The following DMD variants were observed in gnomAD, a reference collection of about 807,000 sequenced individuals.
The protein encoded by DMD is mutant dystrophin.
In DMD, 63 loss-of-function variants were observed where a neutral mutation model predicts 330.1. That is an observed-to-expected ratio of 0.19 (90% CI 0.16 to 0.24). The LOEUF is 0.24. DMD is among the 10% of genes least tolerant of loss of function. The probability of loss-of-function intolerance (pLI) is 1.00; values close to 1 mark genes in which losing one functional copy is unlikely to be tolerated. For missense variants in DMD, 3,344 were observed against 2,684.1 expected (o/e 1.25, Z -5.43); for synonymous variants, 1,223 against 959.8 (o/e 1.27, Z -5.07).
intron 2 of DMD, among the ~76,000 whole-genome samples, chrX:32,876,345 G>C (rs771686180): frequency 1.8e-5 from 2 of 111,910 alleles, no homozygotes; most frequent in Non-Finnish European, 3.8e-5. Context: ...AATCTTGACA[G>C]TTATCCAATT....
At chrX:32,735,178 G>T (rs1354037015) in intron 7 of DMD, among the ~76,000 whole-genome samples, 2 of 108,011 alleles carry the variant, frequency 1.9e-5, no homozygotes, top group Non-Finnish European at 3.8e-5. Flanking sequence ...GCTTCAAAGA[G>T]AATAAAATAC....
intron 4 of DMD, among the ~76,000 whole-genome samples, chrX:32,835,635 C>T (rs947254826): frequency 2.7e-5 from 3 of 111,635 alleles, no homozygotes; most frequent in African/African-American, 9.8e-5. Context: ...CAGATATAAG[C>T]TGAGTGGCAT....
At chrX:31,783,719 G>C (rs1047042310) in intron 50 of DMD, among the ~76,000 whole-genome samples, 2 of 111,145 alleles carry the variant, frequency 1.8e-5, no homozygotes, top group African/African-American at 6.5e-5. Context: ...TTTAGAGAGA[G>C]ACAGAGAAGT....
chrX:32,630,172 C>T (rs966196593), intron 11 of DMD, among the ~76,000 whole-genome samples: 2 of 111,591 alleles, frequency 1.8e-5, no homozygotes, highest in Non-Finnish European at 3.8e-5. Context: ...CTTCATTTCT[C>T]CTTCAAGTAT....
chrX:31,893,796 C>T (rs899894941), intron 47 of DMD, among the ~76,000 whole-genome samples: 54 of 111,328 alleles, frequency 4.9e-4, no homozygotes, highest in African/African-American at 1.7e-3. Context: ...GTCAGGCAAC[C>T]TGACTTCTAA....
At chrX:33,321,319 C>T (rs1334451191) in intron 1 of DMD, among the ~76,000 whole-genome samples, 2 of 111,274 alleles carry the variant, frequency 1.8e-5, no homozygotes, top group African/African-American at 3.3e-5. Context: ...CCATGGGCTA[C>T]AGAATGGATG....
chrX:32,436,247 T>C (rs904284275), intron 29 of DMD, among the ~76,000 whole-genome samples: 2 of 111,859 alleles, frequency 1.8e-5, no homozygotes, highest in African/African-American at 6.5e-5. Context: ...TTTAGAGATC[T>C]CTTTTATTTC....
At chrX:32,750,811 C>T (rs979656406) in intron 7 of DMD, among the ~76,000 whole-genome samples, 2 of 111,593 alleles carry the variant, frequency 1.8e-5, no homozygotes, top group African/African-American at 6.5e-5. Flanking sequence ...TGAATTCCCA[C>T]ATGTTGTAGG....
At chrX:32,837,276 A>G (rs890951148) in intron 4 of DMD, among the ~76,000 whole-genome samples, 1 of 112,094 alleles carries the variant, frequency 8.9e-6, no homozygotes, top group African/African-American at 3.2e-5. Context: ...TGATGACTAC[A>G]TCACCTGGAA....
At chrX:31,574,727 C>A (rs1406947247) in intron 55 of DMD, among the ~76,000 whole-genome samples, 1 of 111,281 alleles carries the variant, frequency 9.0e-6, no homozygotes, top group African/African-American at 3.3e-5. Context: ...ACTTGCAACC[C>A]TCTATTTGAT....
intron 1 of DMD, among the ~76,000 whole-genome samples, chrX:33,151,220 T>C (rs891886328): frequency 8.9e-6 from 1 of 112,479 alleles, no homozygotes; most frequent in African/African-American, 3.2e-5. Context: ...TTTTCTTGTC[T>C]GAAACATATA....
intron 50 of DMD, among the ~76,000 whole-genome samples, chrX:31,806,720 A>C (rs1318402558): frequency 8.9e-6 from 1 of 112,479 alleles, no homozygotes; most frequent in Admixed American, 9.4e-5. Context: ...CCTTGCTCAC[A>C]CTGGGTTTTA....
At chrX:31,750,529 G>A (rs1241556529) in intron 51 of DMD, among the ~76,000 whole-genome samples, 3 of 111,220 alleles carry the variant, frequency 2.7e-5, no homozygotes, top group Non-Finnish European at 5.7e-5. Context: ...CCAGTACCAT[G>A]CTGTTTTGGT....
intron 9 of DMD, among the ~76,000 whole-genome samples, chrX:32,694,397 T>TCC (rs772233078): frequency 3.6e-5 from 4 of 112,019 alleles, no homozygotes; most frequent in Non-Finnish European, 5.6e-5. Context: ...TAACGTTCAC[T>TCC]CCCAAACCTG....
intron 76 of DMD, among the ~76,000 whole-genome samples, chrX:31,141,282 C>G (rs1019141718): frequency 3.6e-5 from 4 of 112,256 alleles, no homozygotes; most frequent in Admixed American, 9.4e-5. Context: ...AGAAAACTCA[C>G]TGAGTGAAAA....
At chrX:33,264,395 G>A (rs1474731408) in intron 1 of DMD, among the ~76,000 whole-genome samples, 1 of 111,401 alleles carries the variant, frequency 9.0e-6, no homozygotes, top group Non-Finnish European at 1.9e-5. Flanking sequence ...TGTAAGCCAA[G>A]TGGTAGTTCA....
intron 19 of DMD, among the ~76,000 whole-genome samples, chrX:32,501,043 T>C (rs1177385105): frequency 8.9e-6 from 1 of 112,262 alleles, no homozygotes; most frequent in East Asian, 2.8e-4. Context: ...TAAAATTTTA[T>C]CTGGAAATAT....
rs144543677 is a variant in DMD at position 33,242,760 on chromosome X, C to T, written c.7+96499G>A. 6.9e-3 allele frequency among the ~76,000 whole-genome samples: 765 copies of T among 111,116 alleles called. 10 individuals carry two copies. The highest frequency in any genetic ancestry group is 0.024 in the African/African-American group (740 of 30,590). On this transcript the variant is annotated intron_variant, in intron 1 of 17. Coordinates refer to the DMD transcript ENST00000288447. ...TCACCACATCCATGCCAACATCTAC[C>T]GTTTTTTGATTTTTTGATTATGGCC...
At chrX:32,061,469 T>C (rs1303423676) in intron 44 of DMD, among the ~76,000 whole-genome samples, 1 of 111,664 alleles carries the variant, frequency 9.0e-6, no homozygotes, top group Non-Finnish European at 1.9e-5. Flanking sequence ...CATACCTCTA[T>C]AAATTAAAAT....
Sources: gnomAD v4.1 joint callset for allele counts (sites outside exome capture counted in the v4.1 genomes callset) on GRCh38, gnomAD v4.1.1 for gene constraint, MANE v1.5 for transcripts, NCBI Gene and HGNC (gene_info 2026-07-23, HGNC 2026-07-21) for gene names.